Variants in ATP13A1 observed in about 807,000 individuals in gnomAD.
ATP13A1 encodes the protein ATPase 13A1.
ATP13A1 carries 55 observed loss-of-function variants against 134.8 expected under a neutral mutation model. That is an observed-to-expected ratio of 0.41 (90% CI 0.33 to 0.51). The LOEUF is 0.51. ATP13A1 is among the 20% of genes least tolerant of loss of function. The pLI is 0.29. For synonymous variants in ATP13A1, 775 were observed against 725.1 expected (o/e 1.07, Z -1.10); for missense variants, 1,389 against 1,652.8 (o/e 0.84, Z 2.77).
Position 19,649,609 on chromosome 19 carries a change from C to T in ATP13A1, c.2590G>A (p.Asp864Asn). 6.2e-7 allele frequency: 1 copy of T among 1,613,926 alleles called. No individual in the cohort carries two copies. The highest frequency in any genetic ancestry group is 1.1e-5 in the South Asian group (1 of 91,076). Residue 864 changes from aspartate to asparagine, a missense_variant, in exon 19 of 26, where the codon GAT becomes AAT. Asp to Asn is a conservative substitution (Grantham distance 23). This residue lies in a region of ATP13A1 where 747 missense variants were observed against 956.1 expected (regional missense o/e 0.78). Coordinates refer to ENST00000357324, the MANE Select transcript of ATP13A1 (RefSeq NM_020410.3). The part of the protein sequence containing the change: ...ELGYVTLMCG[D>N]GTNDVGALKH... ...AGGGCGCCCACGTCGTTGGTGCCAT[C>T]CCCACACATGAGGGTCACGTAGCCC...
At chr19:19,646,391 T>TG in intron 22 of ATP13A1, 44 bp from the exon 23 acceptor site, 2 of 1,611,000 alleles carry the variant, frequency 1.2e-6, no homozygotes, top group Non-Finnish European at 1.7e-6. Context: ...CTGGCTCACT[T>TG]GGGGCCACCC....
chr19:19,655,035 G>A lies in ATP13A1; in HGVS notation c.1655+84C>T. On this transcript the variant is annotated intron_variant, in intron 12 of 25. Transcript: ENST00000357324. This position sits in a 1 kb window ranked among gnomAD's most constrained non-coding sequence, Gnocchi z 5.7. ...CCTCTGACGGGCCCTCACTGCAAGG[G>A]CTTGGGGTGGATGGGCCACCTGTCT... The A allele has an allele frequency of 1.3e-6, 2 of 1,567,850 alleles. No individual in the cohort carries two copies. Among genetic ancestry groups the A allele is most frequent in the Non-Finnish European group, 8.6e-7 (1 of 1,159,828 alleles).
intron 15 of ATP13A1, 194 bp from the exon 16 acceptor site, chr19:19,652,914 G>A (rs544595505): frequency 4.9e-5 from 36 of 737,552 alleles, no homozygotes; most frequent in Middle Eastern, 4.0e-4. Context: ...GGATCTGGCA[G>A]TGACTGGGGG....
At chr19:19,651,623 T>G in intron 17 of ATP13A1, 66 bp downstream of exon 17, 2 of 1,307,266 alleles carry the variant, frequency 1.5e-6, no homozygotes, top group Non-Finnish European at 1.1e-6. Context: ...GGTGGGCTGT[T>G]GCGATGGGAG....
chr19:19,650,387 C>T (rs891488305), intron 17 of ATP13A1: 2 of 179,066 alleles, frequency 1.1e-5, no homozygotes, highest in African/African-American at 4.8e-5. Flanking sequence ...GACAGGGCCC[C>T]TGAGTTCTCA....
rs754503823 is a variant in ATP13A1 at position 19,653,374 on chromosome 19, C to T, written c.2100+410G>A. ...CCTGAGGCTAAATTCTGGAAGGATC[C>T]GCAGCTGTAGGGTGCAAGCAGAAAG... On this transcript the variant is annotated intron_variant, in intron 15 of 25. Coordinates refer to ENST00000357324, the MANE Select transcript of ATP13A1 (RefSeq NM_020410.3). This position sits in a 1 kb window ranked among gnomAD's most constrained non-coding sequence, Gnocchi z 4.2. The T allele has an allele frequency of 2.5e-5, 6 of 238,452 alleles. No individual in the cohort carries two copies. The highest frequency in any genetic ancestry group is 1.8e-4 in the South Asian group (3 of 17,070). The allele number at this position is 238,452 out of a possible 1,614,324, so 14.8% of individuals were successfully genotyped here.
rs369319035 is a variant in ATP13A1 at position 19,655,873 on chromosome 19, C to T, written c.1269+5G>A. 2.5e-5 allele frequency: 40 copies of T among 1,580,120 alleles called. No homozygotes were observed. The highest frequency in any genetic ancestry group is 3.3e-4 in the Middle Eastern group (2 of 6,030). ...GGCCCGCCCTCCCCAGACCTGGCCC[C>T]GCACCTGGGATGTGTTGAATCCGGT... On this transcript the variant is annotated splice_donor_5th_base_variant and intron_variant, in intron 9 of 25. Transcript: ENST00000357324. This position sits in a 1 kb window ranked among gnomAD's most constrained non-coding sequence, Gnocchi z 5.7.
chr19:19,652,095 T>C (rs535173439), intron 16 of ATP13A1, among the ~76,000 whole-genome samples: 5 of 152,204 alleles, frequency 3.3e-5, no homozygotes, highest in African/African-American at 1.2e-4. Flanking sequence ...GGGGGTAATA[T>C]TTCAGCAAAG....
At chr19:19,659,088 G>C (rs2062078108) in intron 3 of ATP13A1, among the ~76,000 whole-genome samples, 1 of 152,214 alleles carries the variant, frequency 6.6e-6, no homozygotes, top group Non-Finnish European at 1.5e-5. Flanking sequence ...CTGCCAGCAG[G>C]CAAGTTCAGG....
Position 19,653,751 on chromosome 19 carries a change from C to T in ATP13A1, c.2100+33G>A, listed in dbSNP as rs373938850. On this transcript the variant is annotated intron_variant, in intron 15 of 25. Coordinates refer to ENST00000357324, the MANE Select transcript of ATP13A1 (RefSeq NM_020410.3). This position sits in a 1 kb window ranked among gnomAD's most constrained non-coding sequence, Gnocchi z 4.2. ...CAGGGAGGAGCTGACGGGCCAGGCACATGGTGAAGGCAGGGGGAGCCTGGG... is the reference window on the plus strand; with the variant it reads ...CAGGGAGGAGCTGACGGGCCAGGCATATGGTGAAGGCAGGGGGAGCCTGGG... The T allele has an allele frequency of 5.9e-5, 90 of 1,514,368 alleles. No individual in the cohort carries two copies. In the African/African-American group the frequency reaches 1.1e-3, roughly 18 times the overall value. The allele number at this position is 1,514,368 out of a possible 1,614,324, so 93.8% of individuals were successfully genotyped here.
Position 19,657,136 on chromosome 19 carries a change from C to T in ATP13A1, c.764G>A (p.Gly255Glu). The T allele has an allele frequency of 6.6e-7, 1 of 1,509,740 alleles. No homozygotes were observed. Among genetic ancestry groups the T allele is most frequent in the Non-Finnish European group, 8.9e-7 (1 of 1,129,744 alleles). The allele number at this position is 1,509,740 out of a possible 1,614,324, so 93.5% of individuals were successfully genotyped here. The change falls in exon 5 of 26, where the codon GGG becomes GAG. Residue 255 changes from glycine to glutamate, a missense_variant. Physicochemically the swap from Gly to Glu is moderately conservative, Grantham distance 98. Transcript: ENST00000357324. ...CCAGTACTCATCCAGGCACCAGAGCCCCACACAGAACACCTGTGGGATACC... is the reference window on the plus strand; with the variant it reads ...CCAGTACTCATCCAGGCACCAGAGCTCCACACAGAACACCTGTGGGATACC... ...PFFVFQVFCV[G>E]LWCLDEYWYY...
chr19:19,649,518 T>C, intron 19 of ATP13A1, 49 bp downstream of exon 19: 1 of 1,571,472 alleles, frequency 6.4e-7, no homozygotes, highest in Non-Finnish European at 8.7e-7. Context: ...CAGTGACATG[T>C]CCTCAACACC....
rs1006400694 is a variant in ATP13A1 at position 19,654,699 on chromosome 19, C to T, written c.1657G>A (p.Asp553Asn). 1 of 1,610,988 alleles carries T rather than the reference C, an allele frequency of 6.2e-7. No homozygotes were observed. Among genetic ancestry groups the T allele is most frequent in the African/African-American group, 1.3e-5 (1 of 75,032 alleles). Residue 553 changes from aspartate to asparagine, a missense_variant and splice_region_variant, in exon 13 of 26, where the codon GAC becomes AAC. Coordinates refer to ENST00000357324, the MANE Select transcript of ATP13A1 (RefSeq NM_020410.3). ...GACACTGGGGTCACCTCCTTCCCGT[C>T]TCTGCAAGGTCGGGGAACAGCTGGT... ...LVVRGVAGLR[D>N]GKEVTPVSSI...
chr19:19,647,261 C>T lies in ATP13A1; in HGVS notation c.2973G>A (p.Leu991=). 6.2e-7 allele frequency: 1 copy of T among 1,613,810 alleles called. No homozygotes were observed. ...AGGCCAGGATGAGGGCATTGAGCGC[C>T]AGGATCTTGAACATCTGTAGCGTGG... ...LVTTLQMFKI[L]ALNALILAYS... The change falls in exon 22 of 26, where the codon CTG becomes CTA. Residue 991 remains leucine (L), a synonymous_variant. Transcript: ENST00000357324. This position sits in a 1 kb window ranked among gnomAD's most constrained non-coding sequence, Gnocchi z 4.8.
At chr19:19,658,922 G>T (rs549667328) in intron 3 of ATP13A1, among the ~76,000 whole-genome samples, 101 of 152,168 alleles carry the variant, frequency 6.6e-4, no homozygotes, top group Non-Finnish European at 1.0e-3. Context: ...GGGCAACACG[G>T]CGAGACCCCA....
In ATP13A1 at chr19:19,650,731, G is replaced by A. The variant is rs543930871; in HGVS notation, c.2336-791C>T. 98 of 152,658 alleles carry A rather than the reference G, an allele frequency of 6.4e-4. 1 individual carries two copies. In the South Asian group the frequency reaches 0.016, roughly 25 times the overall value. The allele number at this position is 152,658 out of a possible 1,614,324, so 9.5% of individuals were successfully genotyped here. On this transcript the variant is annotated intron_variant, in intron 17 of 25. Transcript: ENST00000357324. ...GCAGGGACCGAGTCCTCTGAGAGGTGGCCTGGAGGTTCCGGAAGCTGCTCT... is the reference window on the plus strand; with the variant it reads ...GCAGGGACCGAGTCCTCTGAGAGGTAGCCTGGAGGTTCCGGAAGCTGCTCT...
chr19:19,655,896 G>T lies in ATP13A1; in HGVS notation c.1251C>A (p.Thr417=). ...CCCGCACCTGGGATGTGTTGAATCC[G>T]GTCCGCAGGACGTAGGCCACGCACC... ...DSGCVAYVLR[T]GFNTSQGKLL... The change falls in exon 9 of 26, where the codon ACC becomes ACA. Residue 417 remains threonine (T), a synonymous_variant. Coordinates refer to ENST00000357324, the MANE Select transcript of ATP13A1 (RefSeq NM_020410.3). This position sits in a 1 kb window ranked among gnomAD's most constrained non-coding sequence, Gnocchi z 5.7. The T allele has an allele frequency of 6.3e-7, 1 of 1,593,228 alleles. No individual in the cohort carries two copies. The highest frequency in any genetic ancestry group is 1.3e-5 in the African/African-American group (1 of 74,808).
Position 19,645,767 on chromosome 19 carries a change from C to A in ATP13A1, c.3384G>T (p.Leu1128=). The A allele has an allele frequency of 6.2e-7, 1 of 1,607,958 alleles. No individual in the cohort carries two copies. The highest frequency in any genetic ancestry group is 8.5e-7 in the Non-Finnish European group (1 of 1,178,038). The part of the protein sequence containing the change: ...NYKGPPFMES[L]PENKPLVWSL... ...TCCACACCAGGGGCTTGTTCTCGGGCAGGCTCTCCATGAAGGGCGGGCCCT... is the reference window on the plus strand; with the variant it reads ...TCCACACCAGGGGCTTGTTCTCGGGAAGGCTCTCCATGAAGGGCGGGCCCT... Residue 1128 remains leucine, a synonymous_variant, in exon 25 of 26, where the codon CTG becomes CTT. Coordinates refer to ENST00000357324, the MANE Select transcript of ATP13A1 (RefSeq NM_020410.3). This position sits in a 1 kb window ranked among gnomAD's most constrained non-coding sequence, Gnocchi z 4.1.
Position 19,656,102 on chromosome 19 carries a change from T to C in ATP13A1, c.1165A>G (p.Lys389Glu), listed in dbSNP as rs758357922. The change falls in exon 8 of 26, where the codon AAG becomes GAG. Residue 389 changes from lysine to glutamate, a missense_variant. Coordinates refer to ENST00000357324, the MANE Select transcript of ATP13A1 (RefSeq NM_020410.3). The surrounding 1 kb of genome is among the most constrained non-coding windows in gnomAD (Gnocchi z 4.6). ...TGTGGGGGGATGTGCTGCACCACCT[T>C]GGTGCCCCCGAAGATGACGTGCAGC... is the stretch of plus-strand genomic sequence containing the variant. ...SRLHVIFGGTKVVQHIPPQKA... is the reference protein window; with the variant it reads ...SRLHVIFGGTEVVQHIPPQKA... 6.2e-7 allele frequency: 1 copy of C among 1,613,742 alleles called. No individual in the cohort carries two copies. Among genetic ancestry groups the C allele is most frequent in the Admixed American group, 1.7e-5 (1 of 60,004 alleles).
Sources: gnomAD v4.1 joint callset for allele counts (sites outside exome capture counted in the v4.1 genomes callset) on GRCh38, gnomAD v4.1.1 for gene constraint, gnomAD v4.1.1 regional missense constraint, Gnocchi (gnomAD v3.1) non-coding constraint, MANE v1.5 for transcripts, NCBI Gene and HGNC (gene_info 2026-07-23, HGNC 2026-07-21) for gene names.